Variants in LAMA2 observed in about 807,000 individuals in gnomAD.
LAMA2 encodes the protein laminin subunit alpha 2.
A neutral mutation model predicts 364.8 loss-of-function variants in LAMA2; 269 were observed. The observed-to-expected ratio is 0.74, with a 90% CI of 0.67 to 0.82. LAMA2 has a LOEUF of 0.82. LAMA2 is among the 40% of genes least tolerant of loss of function. LAMA2 has a pLI of 0.00. For synonymous variants in LAMA2, 1,379 were observed against 1,370.6 expected (o/e 1.01, Z -0.14); for missense variants, 3,807 against 3,873.2 (o/e 0.98, Z 0.45).
chr6:129,323,825 G>T (rs1269726279), intron 28 of LAMA2, among the ~76,000 whole-genome samples: 3 of 152,218 alleles, frequency 2.0e-5, no homozygotes, highest in Admixed American at 1.3e-4. Context: ...TCTAGGTCAT[G>T]TTTTGATAGT....
Position 129,516,517 on chromosome 6 carries a change from G to GTTCT in LAMA2, c.*175_*178dup, listed in dbSNP as rs1290527363. ...GACTCCAGACTGAATTTTAATTCAA[G>GTTCT]TTCTTTCTCAAGTCTATAAATAATA... On this transcript the variant is annotated 3_prime_UTR_variant, in exon 65 of 65. Transcript: ENST00000421865. 2.1e-5 allele frequency: 14 copies of GTTCT among 657,728 alleles called. No homozygotes were observed. In the African/African-American group the frequency reaches 2.5e-4, roughly 12 times the overall value. 40.7% of individuals were successfully genotyped at this position (657,728 alleles called of 1,614,324 possible).
At chr6:129,431,263 G>A (rs1299491836) in intron 41 of LAMA2, among the ~76,000 whole-genome samples, 1 of 152,006 alleles carries the variant, frequency 6.6e-6, no homozygotes, top group Non-Finnish European at 1.5e-5. Flanking sequence ...GCTGGGCATG[G>A]TGGTGGGTGC....
At chr6:129,442,109 G>A (rs1782146897) in intron 43 of LAMA2, 3 of 758,166 alleles carry the variant, frequency 4.0e-6, no homozygotes, top group African/African-American at 1.8e-5. Context: ...TTTTGGGGGG[G>A]TATCAAAATA....
chr6:129,016,844 A>C (rs986252406), intron 1 of LAMA2, among the ~76,000 whole-genome samples: 1 of 151,558 alleles, frequency 6.6e-6, no homozygotes, highest in Non-Finnish European at 1.5e-5. Context: ...TCAAAGGTAC[A>C]TTTGTTCATT....
rs1775135875 is a variant in LAMA2 at position 129,095,746 on chromosome 6, A to G, written c.397-2427A>G. Reference sequence around the variant, plus strand: ...ACCAATATGGTGAAACTCCATCTCTACTAAATACAAAAAAAAAAAAAAAAA... The same window carrying G: ...ACCAATATGGTGAAACTCCATCTCTGCTAAATACAAAAAAAAAAAAAAAAA... On this transcript the variant is annotated intron_variant, in intron 3 of 64. Transcript: ENST00000421865. Among the ~76,000 whole-genome samples the G allele has an allele frequency of 2.9e-5, 4 of 140,138 alleles. No individual in the cohort carries two copies. The South Asian group carries it at 9.3e-4, about 32-fold the overall frequency. 91.9% of individuals were successfully genotyped at this position (140,138 alleles called of 152,430 possible).
chr6:129,058,047 C>CA (rs1374359843), intron 2 of LAMA2, among the ~76,000 whole-genome samples: 1 of 152,144 alleles, frequency 6.6e-6, no homozygotes, highest in Non-Finnish European at 1.5e-5. Flanking sequence ...TTTCTATGGG[C>CA]AAATGTGCCG....
chr6:129,349,239 A>C, intron 30 of LAMA2, 59 bp from the exon 31 acceptor site: 1 of 1,295,116 alleles, frequency 7.7e-7, no homozygotes, highest in Admixed American at 1.7e-5. Context: ...GGATAGGAAT[A>C]CTATTTTATA....
At chr6:129,130,023 C>T (rs564515402) in intron 4 of LAMA2, among the ~76,000 whole-genome samples, 3 of 151,792 alleles carry the variant, frequency 2.0e-5, no homozygotes, top group East Asian at 3.9e-4. Context: ...AGCATTATTT[C>T]AGCTACAGCA....
intron 1 of LAMA2, among the ~76,000 whole-genome samples, chr6:128,939,009 T>C (rs777107324): frequency 1.3e-5 from 2 of 152,184 alleles, no homozygotes; most frequent in Non-Finnish European, 2.9e-5. Flanking sequence ...TCTTTTTGCT[T>C]TCTCTTATTT....
chr6:129,418,494 T>A (rs1471381445), intron 40 of LAMA2, among the ~76,000 whole-genome samples: 4 of 152,156 alleles, frequency 2.6e-5, no homozygotes, highest in Non-Finnish European at 5.9e-5. Context: ...ATACGGAAGT[T>A]GAACAGAATA....
intron 16 of LAMA2, among the ~76,000 whole-genome samples, chr6:129,269,431 T>C (rs1787766918): frequency 6.6e-6 from 1 of 151,342 alleles, no homozygotes; most frequent in African/African-American, 2.4e-5. Context: ...ACTACAAAAA[T>C]ACTTGAGTTT....
chr6:129,302,111 G>A (rs1773587428), intron 22 of LAMA2, among the ~76,000 whole-genome samples: 1 of 152,080 alleles, frequency 6.6e-6, no homozygotes, highest in African/African-American at 2.4e-5. Context: ...GTGAACATTA[G>A]CATACAAGTC....
At chr6:129,500,887 G>A (rs964898876) in intron 58 of LAMA2, among the ~76,000 whole-genome samples, 2 of 152,068 alleles carry the variant, frequency 1.3e-5, no homozygotes, top group South Asian at 2.1e-4. Context: ...GTAATTAGAC[G>A]AGTGACTGTA....
intron 49 of LAMA2, among the ~76,000 whole-genome samples, chr6:129,462,564 T>C (rs1583809753): frequency 6.6e-6 from 1 of 152,030 alleles, no homozygotes. Context: ...GAAATAATCC[T>C]ATATTTTTTA....
chr6:129,259,729 T>A (rs1337898425), intron 14 of LAMA2, among the ~76,000 whole-genome samples: 1 of 152,054 alleles, frequency 6.6e-6, no homozygotes, highest in Non-Finnish European at 1.5e-5. Flanking sequence ...TCCTTTTAAA[T>A]CAAGCTCATG....
chr6:128,991,135 G>GA (rs201036504), intron 1 of LAMA2, among the ~76,000 whole-genome samples: 199 of 150,824 alleles, frequency 1.3e-3, no homozygotes, highest in African/African-American at 4.1e-3. Context: ...CCATACAGGG[G>GA]AAAAAAAAAT....
At chr6:129,261,986 A>G (rs1385186083) in intron 15 of LAMA2, among the ~76,000 whole-genome samples, 1 of 152,132 alleles carries the variant, frequency 6.6e-6, no homozygotes, top group Non-Finnish European at 1.5e-5. Flanking sequence ...AACTATTTGA[A>G]CTTTTAAGAT....
At chr6:129,477,434 T>G (rs1330215494) in intron 53 of LAMA2, among the ~76,000 whole-genome samples, 1 of 152,168 alleles carries the variant, frequency 6.6e-6, no homozygotes, top group Non-Finnish European at 1.5e-5. Context: ...GTGCTATTCC[T>G]TAATTTATTA....
At chr6:129,307,213 G>A (rs1321332758) in intron 22 of LAMA2, among the ~76,000 whole-genome samples, 1 of 152,184 alleles carries the variant, frequency 6.6e-6, no homozygotes, top group Non-Finnish European at 1.5e-5. Flanking sequence ...AAACTTCTGA[G>A]AATACTACCT....
Sources: gnomAD v4.1 joint callset for allele counts (sites outside exome capture counted in the v4.1 genomes callset) on GRCh38, gnomAD v4.1.1 for gene constraint, MANE v1.5 for transcripts, NCBI Gene and HGNC (gene_info 2026-07-23, HGNC 2026-07-21) for gene names.